Variants in MID1 observed in about 807,000 individuals in gnomAD.
MID1 encodes E3 ubiquitin-protein ligase Midline-1.
MID1 carries 7 observed loss-of-function variants against 40.4 expected under a neutral mutation model. The ratio of observed to expected loss-of-function variants is 0.17; its 90% CI spans 0.10 to 0.33. The LOEUF (loss-of-function observed/expected upper bound fraction) is 0.33, where lower values mean the gene tolerates loss of function less well. Among genes scored for constraint, MID1 ranks in the 10% least tolerant of loss-of-function variants. The pLI is 1.00. For synonymous variants in MID1, 229 were observed against 221.2 expected, an observed-to-expected ratio of 1.04 and a Z score of -0.31; for missense variants, 367 against 558.5, an observed-to-expected ratio of 0.66 and a Z score of 3.46.
intron 1 of MID1, among the ~76,000 whole-genome samples, chrX:10,748,958 T>C (rs1424965990): frequency 9.0e-6 from 1 of 111,584 alleles, no homozygotes; most frequent in Non-Finnish European, 1.9e-5. Context: ...CAGCCAGCTC[T>C]GGAATGATGT....
chrX:10,511,380 A>C lies in MID1; in HGVS notation c.756+11712T>G, dbSNP rs973804117. Among the ~76,000 whole-genome samples, 4 of 111,185 alleles carry C rather than the reference A, an allele frequency of 3.6e-5. No homozygotes were observed. The East Asian group carries it at 1.1e-3, about 31-fold the overall frequency. ...ACAAATATTTCAGTCCCAAGTTGTA[A>C]TATATATATATTTTTAAGTTCAGGG... On this transcript the variant is annotated intron_variant, in intron 3 of 9. Transcript: ENST00000317552.
At chrX:10,525,207 C>G (rs1034109827) in intron 2 of MID1, among the ~76,000 whole-genome samples, 4 of 112,011 alleles carry the variant, frequency 3.6e-5, no homozygotes, top group Non-Finnish European at 7.5e-5. Flanking sequence ...AGGAAAAGAA[C>G]CACTTTCATC....
chrX:10,741,573 A>C (rs1390918856), intron 1 of MID1, among the ~76,000 whole-genome samples: 4 of 108,968 alleles, frequency 3.7e-5, no homozygotes, highest in Non-Finnish European at 7.6e-5. Context: ...TAGAGGAGAA[A>C]GGCAATTGTC....
At chrX:10,531,151 A>T (rs1179761082) in intron 2 of MID1, among the ~76,000 whole-genome samples, 5 of 111,718 alleles carry the variant, frequency 4.5e-5, no homozygotes, top group African/African-American at 1.6e-4. Context: ...GGATATGGAC[A>T]CGTCAAGTGC....
At chrX:10,617,930 G>C (rs1178951256) in intron 1 of MID1, among the ~76,000 whole-genome samples, 4 of 112,650 alleles carry the variant, frequency 3.6e-5, no homozygotes, top group African/African-American at 1.3e-4. Flanking sequence ...CTCAGCCGTG[G>C]CCTTAGGAAC....
At chrX:10,828,825 C>T (rs1258004119) in intron 1 of MID1, among the ~76,000 whole-genome samples, 1 of 112,655 alleles carries the variant, frequency 8.9e-6, no homozygotes, top group East Asian at 2.8e-4. Context: ...CCACCCATTT[C>T]AGATCCAGCC....
intron 6 of MID1, among the ~76,000 whole-genome samples, chrX:10,470,278 T>C (rs1048967124): frequency 8.9e-6 from 1 of 111,906 alleles, no homozygotes; most frequent in Non-Finnish European, 1.9e-5. Flanking sequence ...AACTCTGCCA[T>C]TGTAGCATGA....
At chrX:10,572,327 A>G (rs1418527911) in intron 1 of MID1, among the ~76,000 whole-genome samples, 1 of 110,588 alleles carries the variant, frequency 9.0e-6, no homozygotes, top group Non-Finnish European at 1.9e-5. Context: ...AGGTGGGTGA[A>G]TCGCTTGAGG....
intron 2 of MID1, among the ~76,000 whole-genome samples, chrX:10,551,141 C>T (rs1169078328): frequency 2.7e-5 from 3 of 111,895 alleles, no homozygotes; most frequent in African/African-American, 9.7e-5. Flanking sequence ...AATGTAAAAG[C>T]TTAGTAAATA....
In MID1 at chrX:10,567,055, T is replaced by C; in HGVS notation, c.493A>G (p.Ile165Val). 3.3e-6 allele frequency: 4 copies of C among 1,211,847 alleles called. No homozygotes were observed. The highest frequency in any genetic ancestry group is 4.5e-6 in the Non-Finnish European group (4 of 895,580). The change falls in exon 2 of 10, where the codon ATT becomes GTT. Residue 165 changes from isoleucine to valine, a missense_variant. Physicochemically the swap from Ile to Val is conservative, Grantham distance 29. This residue lies in a region of MID1 where 14 missense variants were observed against 62.8 expected (regional missense o/e 0.22). Coordinates refer to ENST00000317552, the MANE Select transcript of MID1 (RefSeq NM_000381.4). ...AGCCCCCGGATGTGAGAGTCCGGAA[T>C]TGGCTCAATCAGACGATGGCCTGTA... ...PFTGHRLIEP[I>V]PDSHIRGLMC...
At chrX:10,627,869 G>A (rs749238889) in intron 1 of MID1, among the ~76,000 whole-genome samples, 22 of 111,874 alleles carry the variant, frequency 2.0e-4, no homozygotes, top group South Asian at 3.7e-4. Context: ...CAGGATTTGC[G>A]CTCCTTGCTT....
At chrX:10,457,439 A>G (rs1928747102) in intron 8 of MID1, among the ~76,000 whole-genome samples, 1 of 112,476 alleles carries the variant, frequency 8.9e-6, no homozygotes, top group South Asian at 3.7e-4. Context: ...AAATTAGTTC[A>G]AGAAAGAGAT....
chrX:10,698,712 CA>C (rs370004396), intron 1 of MID1, among the ~76,000 whole-genome samples: 3 of 67,453 alleles, frequency 4.4e-5, no homozygotes, highest in Admixed American at 1.9e-4. Context: ...ACAGCAGATG[CA>C]AAAAAAAAGA....
intron 1 of MID1, among the ~76,000 whole-genome samples, chrX:10,611,313 G>A (rs1305268132): frequency 3.6e-5 from 4 of 112,055 alleles, no homozygotes; most frequent in Non-Finnish European, 7.5e-5. Flanking sequence ...GTGATATAAA[G>A]TATTAAATGA....
intron 1 of MID1, among the ~76,000 whole-genome samples, chrX:10,717,976 T>C (rs1260225336): frequency 2.7e-5 from 3 of 111,932 alleles, no homozygotes; most frequent in Non-Finnish European, 5.6e-5. Flanking sequence ...AAGGCAGAAA[T>C]AAAGATGTTC....
chrX:10,804,523 A>G (rs2044030273), intron 1 of MID1, among the ~76,000 whole-genome samples: 1 of 111,708 alleles, frequency 9.0e-6, no homozygotes, highest in African/African-American at 3.3e-5. Flanking sequence ...CACCCATTGT[A>G]TCTTTACGTT....
chrX:10,796,879 T>A (rs1179323046), intron 1 of MID1, among the ~76,000 whole-genome samples: 1 of 111,305 alleles, frequency 9.0e-6, no homozygotes, highest in East Asian at 2.8e-4. Flanking sequence ...AGGTTGACAT[T>A]ACGAACTTAG....
chrX:10,453,769 T>C (rs1455374996), intron 9 of MID1, among the ~76,000 whole-genome samples: 3 of 112,110 alleles, frequency 2.7e-5, no homozygotes, highest in Non-Finnish European at 5.6e-5. Context: ...CAGATAATGT[T>C]TGTGGACTGC....
rs757551784 is a variant in MID1 at position 10,751,007 on chromosome X, A to G, written c.-187+82547T>C. Reference sequence around the variant, plus strand: ...TGGCCGGTTCTGGTGGCTCATTCCTATAATCCCAGCACTTTGGGAGGCTGA... The same window carrying G: ...TGGCCGGTTCTGGTGGCTCATTCCTGTAATCCCAGCACTTTGGGAGGCTGA... On this transcript the variant is annotated intron_variant, in intron 1 of 10. Coordinates refer to the MID1 transcript ENST00000380785. Among the ~76,000 whole-genome samples, 5 of 111,203 alleles carry G rather than the reference A, an allele frequency of 4.5e-5. No individual in the cohort carries two copies. The South Asian group carries it at 1.9e-3, about 42-fold the overall frequency.
Sources: allele counts gnomAD v4.1 joint callset (sites outside exome capture counted in the v4.1 genomes callset), GRCh38; gene constraint gnomAD v4.1.1; regional missense constraint gnomAD v4.1.1; transcripts MANE v1.5; gene names NCBI Gene and HGNC (gene_info 2026-07-23, HGNC 2026-07-21).